SHPRH: variants seen among roughly 807,000 people sequenced by gnomAD.
SHPRH encodes E3 ubiquitin-protein ligase SHPRH.
A neutral mutation model predicts 202.5 loss-of-function variants in SHPRH; 106 were observed. That is an observed-to-expected ratio of 0.52 (90% CI 0.45 to 0.62). The LOEUF is 0.62. Ranked by LOEUF, SHPRH falls within the 20% of genes least tolerant of loss-of-function variation. SHPRH has a pLI of 0.00. For synonymous variants in SHPRH, 729 were observed against 686.0 expected, an observed-to-expected ratio of 1.06 and a Z score of -0.98; for missense variants, 1,710 against 2,020.0, an observed-to-expected ratio of 0.85 and a Z score of 2.94.
At chr6:145,923,363 A>G (rs1784592525) in intron 18 of SHPRH, among the ~76,000 whole-genome samples, 1 of 151,932 alleles carries the variant, frequency 6.6e-6, no homozygotes, top group South Asian at 2.1e-4. Flanking sequence ...TATAATTTCA[A>G]TAGTTACTAA....
rs76519693 is a variant in SHPRH at position 145,864,509 on chromosome 6, T to A, written c.222-18A>T. The stretch of plus-strand genomic sequence containing the variant: ...CAAAAAACCTGTGGAAATAAAAAAT[T>A]AAAAATTAAAAAATAAAAAATAAAA... On this transcript the variant is annotated intron_variant, in intron 2 of 2. Coordinates refer to the SHPRH transcript ENST00000417762. The A allele has an allele frequency of 4.9e-3, 1,196 of 242,290 alleles. 28 individuals are homozygous for A. In the East Asian group the frequency reaches 0.064, roughly 13 times the overall value. The allele number at this position is 242,290 out of a possible 1,614,324, so 15.0% of individuals were successfully genotyped here.
At chr6:145,924,454 C>T (rs1044884557) in intron 17 of SHPRH, among the ~76,000 whole-genome samples, 1 of 151,838 alleles carries the variant, frequency 6.6e-6, no homozygotes, top group Non-Finnish European at 1.5e-5. Flanking sequence ...TTATAGAAGT[C>T]TTTACTTTCT....
chr6:145,917,891 C>G (rs1330360890), intron 23 of SHPRH: 5 of 330,830 alleles, frequency 1.5e-5, no homozygotes, highest in Non-Finnish European at 2.7e-5. Flanking sequence ...AACTACAGTC[C>G]ATTTACATTG....
At chr6:145,891,759 A>T (rs1344943030) in intron 28 of SHPRH, among the ~76,000 whole-genome samples, 6 of 152,188 alleles carry the variant, frequency 3.9e-5, no homozygotes, top group Admixed American at 3.9e-4. Context: ...CTCCTCAGAA[A>T]GTAGAAAAAA....
chr6:145,913,381 A>T, intron 24 of SHPRH, 97 bp downstream of exon 24: 1 of 1,100,344 alleles, frequency 9.1e-7, no homozygotes, highest in Admixed American at 2.1e-5. Flanking sequence ...TTTCATAGAA[A>T]CTAGTGGTGA....
At chr6:145,957,960 T>C (rs1788678564) in intron 1 of SHPRH, among the ~76,000 whole-genome samples, 1 of 152,350 alleles carries the variant, frequency 6.6e-6, no homozygotes, top group South Asian at 2.1e-4. Context: ...AATTGTGGCA[T>C]AGTCACACAA....
In SHPRH at chr6:145,894,868, GA is replaced by G. The variant is rs1781878443; in HGVS notation, c.4608+16del. The G allele has an allele frequency of 6.2e-7, 1 of 1,609,358 alleles. No homozygotes were observed. The highest frequency in any genetic ancestry group is 8.5e-7 in the Non-Finnish European group (1 of 1,176,540). On this transcript the variant is annotated intron_variant, in intron 26 of 29. Transcript: ENST00000275233. ...ATCAGTTCGAATTAATATTGAGGAT[GA>G]AAATGTTGATTATACCGTTGAGAAA...
At chr6:145,889,621 A>C (rs1781412640) in intron 28 of SHPRH, among the ~76,000 whole-genome samples, 1 of 152,186 alleles carries the variant, frequency 6.6e-6, no homozygotes, top group South Asian at 2.1e-4. Flanking sequence ...CTATGAGTAG[A>C]ATTTGTATAT....
chr6:145,934,667 C>T (rs1441583170), intron 13 of SHPRH, among the ~76,000 whole-genome samples: 1 of 147,010 alleles, frequency 6.8e-6, no homozygotes, highest in Non-Finnish European at 1.5e-5. Context: ...CGTCTCAAAA[C>T]AAAAAAAAAC....
At chr6:145,925,399 G>C (rs1422350734) in intron 16 of SHPRH, among the ~76,000 whole-genome samples, 1 of 147,612 alleles carries the variant, frequency 6.8e-6, no homozygotes, top group African/African-American at 2.5e-5. Flanking sequence ...AGAGGTAATT[G>C]ATTTAGTTTG....
chr6:145,907,940 T>C (rs1465033189), intron 25 of SHPRH: 2 of 152,096 alleles, frequency 1.3e-5, no homozygotes, highest in African/African-American at 4.8e-5. Context: ...CAACAAGCCC[T>C]GGTGTGTGTG....
At position 145,893,294 on chromosome 6, in the gene SHPRH, C is replaced by T. The variant is rs955581910; in HGVS notation, c.4795G>A (p.Val1599Ile). The T allele has an allele frequency of 1.2e-6, 2 of 1,605,268 alleles. No individual in the cohort carries two copies. Among genetic ancestry groups the T allele is most frequent in the Admixed American group, 1.7e-5 (1 of 58,646 alleles). ...NGLTIIEATH[V>I]LLVEPILNPA... ...TTCAATATGGGCTCCACCAAGAGAA[C>T]ATGAGTTGCTTCAATGATAGTTAAT... Residue 1599 changes from valine to isoleucine, a missense_variant, in exon 28 of 30, where the codon GTT (valine) becomes ATT (isoleucine). By Grantham distance (29) the Val-to-Ile change is conservative (BLOSUM62 3). Transcript: ENST00000275233.
chr6:145,955,066 T>TC lies in SHPRH; in HGVS notation c.256dup (p.Glu86GlyfsTer24). ...AGGGGAAAAAATACCAACAGTCTCT[T>TC]CTTTTTCAATTGGTTTTGAGAAGCT... On this transcript the variant is annotated frameshift_variant, in exon 2 of 30. Coordinates refer to ENST00000275233, the MANE Select transcript of SHPRH (RefSeq NM_001042683.3). LOFTEE classifies it high-confidence loss of function. 2 of 1,613,298 alleles carry TC rather than the reference T, an allele frequency of 1.2e-6. No individual in the cohort carries two copies. Among genetic ancestry groups the TC allele is most frequent in the Non-Finnish European group, 1.7e-6 (2 of 1,179,926 alleles).
At chr6:145,927,934 C>T (rs889867057) in intron 14 of SHPRH, among the ~76,000 whole-genome samples, 4 of 151,852 alleles carry the variant, frequency 2.6e-5, no homozygotes, top group African/African-American at 9.7e-5. Flanking sequence ...CAAAAAGTAT[C>T]GATTAAAGCA....
chr6:145,927,503 T>C (rs1582720388), intron 14 of SHPRH, among the ~76,000 whole-genome samples: 1 of 151,764 alleles, frequency 6.6e-6, no homozygotes, highest in Non-Finnish European at 1.5e-5. Flanking sequence ...TTATATTACA[T>C]TTATAATATT....
At position 145,872,094 on chromosome 6, in the gene SHPRH, T is replaced by C. The variant is rs934301612; in HGVS notation, c.222-7603A>G. 5.3e-5 allele frequency among the ~76,000 whole-genome samples: 8 copies of C among 152,052 alleles called. No individual in the cohort carries two copies. In the South Asian group the frequency reaches 1.7e-3, roughly 31 times the overall value. On this transcript the variant is annotated intron_variant, in intron 2 of 2. Transcript: ENST00000417762. ...GTAAAACCCCAAACTATAAAAACAC[T>C]AGAAGAAAACCTGGGCAATACCATT...
chr6:145,927,715 C>T (rs1290224945), intron 14 of SHPRH, among the ~76,000 whole-genome samples: 4 of 151,868 alleles, frequency 2.6e-5, no homozygotes, highest in African/African-American at 9.6e-5. Context: ...ATTTAAGACA[C>T]TCCAACCAAC....
rs748903889 is a variant in SHPRH at position 145,943,571 on chromosome 6, T to C, written c.1810A>G (p.Thr604Ala). 151 of 1,613,896 alleles carry C rather than the reference T, an allele frequency of 9.4e-5. No individual in the cohort carries two copies. The East Asian group carries it at 2.7e-3, about 28-fold the overall frequency. The change falls in exon 9 of 30, where the codon ACT (threonine) becomes GCT (alanine). Residue 604 changes from threonine to alanine, a missense_variant. By Grantham distance (58) the Thr-to-Ala change is moderately conservative (BLOSUM62 0). Transcript: ENST00000275233. ...ACATCAGTTATTCCAGAGTCGCTAGTAGCTGGACAGTGACCTTGTGAATCG... is the reference window on the plus strand; with the variant it reads ...ACATCAGTTATTCCAGAGTCGCTAGCAGCTGGACAGTGACCTTGTGAATCG... ...NPDSQGHCPATSDSGITDVAM... is the reference protein window; with the variant it reads ...NPDSQGHCPAASDSGITDVAM...
chr6:145,899,638 G>C (rs1258207996), intron 25 of SHPRH, among the ~76,000 whole-genome samples: 1 of 151,994 alleles, frequency 6.6e-6, no homozygotes, highest in Non-Finnish European at 1.5e-5. Context: ...AAAAACTCAG[G>C]CAAGAAAAGC....
Sources: allele counts gnomAD v4.1 joint callset (sites outside exome capture counted in the v4.1 genomes callset), GRCh38; gene constraint gnomAD v4.1.1; transcripts MANE v1.5; gene names NCBI Gene and HGNC (gene_info 2026-07-23, HGNC 2026-07-21).